The following ABAT variants were observed in gnomAD, a reference collection of about 807,000 sequenced individuals.
ABAT encodes 4-aminobutyrate aminotransferase, also known as 4-aminobutyrate aminotransferase, mitochondrial.
A neutral mutation model predicts 64.6 loss-of-function variants in ABAT; 45 were observed. The observed-to-expected ratio is 0.70, with a 90% CI of 0.55 to 0.89. The LOEUF (loss-of-function observed/expected upper bound fraction) is 0.89. ABAT is among the 40% of genes least tolerant of loss of function. ABAT has a pLI of 0.00. For missense variants in ABAT, 633 were observed against 658.4 expected (o/e 0.96, Z 0.42); for synonymous variants, 297 against 250.5 (o/e 1.19, Z -1.75).
Position 8,751,009 on chromosome 16 carries a change from C to T in ABAT, c.316+470C>T, listed in dbSNP as rs540147738. Among the ~76,000 whole-genome samples the T allele has an allele frequency of 5.4e-4, 75 of 139,448 alleles. 1 individual carries two copies. Among genetic ancestry groups the T allele is most frequent in the African/African-American group, 2.0e-3 (73 of 36,592 alleles). 91.5% of individuals were successfully genotyped at this position (139,448 alleles called of 152,430 possible). A position where few individuals can be genotyped will look rare whatever the true frequency, so the allele number is the denominator to read the frequency against. On this transcript the variant is annotated intron_variant, in intron 5 of 15. Coordinates refer to ENST00000268251, the MANE Select transcript of ABAT (RefSeq NM_020686.6). ...TGTCGACCAGGCGGGAGTGAAGTGG[C>T]GTGATCTTGGCTCACTGCAACCTCT... is the stretch of plus-strand genomic sequence containing the variant.
intron 1 of ABAT, among the ~76,000 whole-genome samples, chr16:8,718,056 G>A (rs543497790): frequency 2.0e-5 from 3 of 152,272 alleles, no homozygotes; most frequent in East Asian, 1.9e-4. Flanking sequence ...TGGCTCTGCC[G>A]TTGACAAGCT....
chr16:8,768,481 T>A (rs2060010600), intron 10 of ABAT, among the ~76,000 whole-genome samples: 1 of 152,180 alleles, frequency 6.6e-6, no homozygotes, highest in South Asian at 2.1e-4. Flanking sequence ...GGACTGGAAC[T>A]CTTGACTCTG....
At chr16:8,756,683 T>G (rs1461419394) in intron 5 of ABAT, among the ~76,000 whole-genome samples, 1 of 152,196 alleles carries the variant, frequency 6.6e-6, no homozygotes, top group Non-Finnish European at 1.5e-5. Context: ...TTATTCTAAC[T>G]CAGCACAAAT....
chr16:8,703,094 A>C (rs2057861950), intron 1 of ABAT, among the ~76,000 whole-genome samples: 1 of 152,002 alleles, frequency 6.6e-6, no homozygotes, highest in Non-Finnish European at 1.5e-5. Flanking sequence ...CCTTGTATTT[A>C]TATGAAAGGA....
At position 8,784,330 on chromosome 16, in the gene ABAT, T is replaced by G. The variant is rs975610294; in HGVS notation, c.*2900T>G. 1 of 152,786 alleles carries G rather than the reference T, an allele frequency of 6.5e-6. No homozygotes were observed. Among genetic ancestry groups the G allele is most frequent in the Non-Finnish European group, 1.5e-5 (1 of 68,028 alleles). The allele number at this position is 152,786 out of a possible 1,614,324, so 9.5% of individuals were successfully genotyped here. On this transcript the variant is annotated 3_prime_UTR_variant, in exon 16 of 16. Transcript: ENST00000268251. ...CATGCAAAATTGTGTATAGCATTAA[T>G]GTATCTACATACCTACACCTATCTA...
intron 1 of ABAT, among the ~76,000 whole-genome samples, chr16:8,696,662 G>A (rs1293659450): frequency 1.3e-5 from 2 of 152,138 alleles, no homozygotes; most frequent in Non-Finnish European, 2.9e-5. Context: ...CAACCTGACT[G>A]TGGTCCCTGA....
At chr16:8,730,733 G>A (rs1001784550) in intron 1 of ABAT, among the ~76,000 whole-genome samples, 6 of 152,004 alleles carry the variant, frequency 3.9e-5, no homozygotes, top group African/African-American at 1.2e-4. Context: ...AAAGGGCTGC[G>A]TCCCCAGGGT....
chr16:8,751,837 C>T (rs1171860322), intron 5 of ABAT, among the ~76,000 whole-genome samples: 3 of 152,182 alleles, frequency 2.0e-5, no homozygotes, highest in Non-Finnish European at 4.4e-5. Flanking sequence ...ATAGAGTGTT[C>T]ACTCGCTGTA....
intron 1 of ABAT, among the ~76,000 whole-genome samples, chr16:8,706,052 C>T (rs935840288): frequency 1.3e-5 from 2 of 151,962 alleles, no homozygotes; most frequent in African/African-American, 4.8e-5. Context: ...ATTCAGTGTG[C>T]CTGTTGGGAG....
chr16:8,696,437 A>G (rs1416024306), intron 1 of ABAT, among the ~76,000 whole-genome samples: 2 of 152,200 alleles, frequency 1.3e-5, no homozygotes, highest in East Asian at 3.8e-4. Context: ...AGCATGGCCA[A>G]CATGATGAAG....
chr16:8,698,619 C>T (rs2057754510), intron 1 of ABAT, among the ~76,000 whole-genome samples: 1 of 152,066 alleles, frequency 6.6e-6, no homozygotes, highest in Non-Finnish European at 1.5e-5. Flanking sequence ...CAGGCGTGAG[C>T]CACTGCGCCC....
intron 1 of ABAT, among the ~76,000 whole-genome samples, chr16:8,710,723 A>AAAGG (rs1555485675): frequency 3.1e-5 from 2 of 64,808 alleles, no homozygotes; most frequent in Admixed American, 1.7e-4. Context: ...AGAGAGAGAG[A>AAAGG]GAGAGAGGAA....
intron 1 of ABAT, among the ~76,000 whole-genome samples, chr16:8,705,264 G>C (rs61527611): frequency 0.071 from 10,855 of 152,152 alleles, 492 homozygotes; most frequent in African/African-American, 0.12. Context: ...TGGCAGGAGA[G>C]AGAGAGAGAG....
intron 11 of ABAT, among the ~76,000 whole-genome samples, chr16:8,769,582 G>C (rs868538589): frequency 2.0e-5 from 3 of 147,640 alleles, no homozygotes; most frequent in African/African-American, 7.5e-5. Flanking sequence ...AAAAAAAAGA[G>C]AGAGAGAGAA....
At chr16:8,754,595 A>G (rs1041694411) in intron 5 of ABAT, among the ~76,000 whole-genome samples, 30 of 152,308 alleles carry the variant, frequency 2.0e-4, no homozygotes, top group Middle Eastern at 6.8e-3. Flanking sequence ...TCTTGGTCCC[A>G]ACAGATTTCA....
intron 1 of ABAT, among the ~76,000 whole-genome samples, chr16:8,710,849 A>T (rs1376438197): frequency 1.3e-5 from 2 of 152,122 alleles, no homozygotes; most frequent in Non-Finnish European, 2.9e-5. Context: ...TTCTGTGTTT[A>T]CTTCACTCTC....
rs1322159215 is a variant in ABAT, at chr16:8,749,377, G to A, written c.199-1045G>A. ...TGCTGGATTACAGGCGTGAGCCACC[G>A]CACCCGGCCTTTTTTTTTTTTTTTT... is the stretch of plus-strand genomic sequence containing the variant. On this transcript the variant is annotated intron_variant, in intron 4 of 15. Transcript: ENST00000268251. Among the ~76,000 whole-genome samples, 510 of 111,444 alleles carry A rather than the reference G, an allele frequency of 4.6e-3. 4 individuals are homozygous for A. Among genetic ancestry groups the A allele is most frequent in the African/African-American group, 0.015 (473 of 31,298 alleles). The allele number at this position is 111,444 out of a possible 152,430, so 73.1% of individuals were successfully genotyped here. A position where few individuals can be genotyped will look rare whatever the true frequency, so the allele number is the denominator to read the frequency against.
At chr16:8,779,354 G>T (rs2060363727) in intron 14 of ABAT, 125 bp from the exon 15 acceptor site, 1 of 776,748 alleles carries the variant, frequency 1.3e-6, no homozygotes, top group African/African-American at 1.7e-5. Context: ...CCCCCTGGAG[G>T]TCCTGCCAGT....
At chr16:8,725,155 A>G (rs867201801) in intron 1 of ABAT, among the ~76,000 whole-genome samples, 47 of 152,258 alleles carry the variant, frequency 3.1e-4, no homozygotes, top group Middle Eastern at 6.8e-3. Flanking sequence ...ACCTCAGGTG[A>G]TCTACCCGTC....
Sources: allele counts gnomAD v4.1 joint callset (sites outside exome capture counted in the v4.1 genomes callset), GRCh38; gene constraint gnomAD v4.1.1; transcripts MANE v1.5; gene names NCBI Gene and HGNC (gene_info 2026-07-23, HGNC 2026-07-21).